Variants in ADCYAP1 observed in about 807,000 individuals in gnomAD.
ADCYAP1 encodes the protein adenylate cyclase activating polypeptide 1.
In ADCYAP1, 6 loss-of-function variants were observed where a neutral mutation model predicts 18.5. The ratio of observed to expected loss-of-function variants is 0.32; its 90% CI spans 0.18 to 0.64. The LOEUF is 0.64. Among genes scored for constraint, ADCYAP1 ranks in the 30% least tolerant of loss-of-function variants. The pLI is 0.77. For synonymous variants in ADCYAP1, 136 were observed against 113.9 expected (o/e 1.19, Z -1.24); for missense variants, 314 against 253.6 (o/e 1.24, Z -1.62).
At chr18:907,621 T>C (rs1909219095) in intron 2 of ADCYAP1, 38 bp from the exon 3 acceptor site, 15 of 1,565,016 alleles carry the variant, frequency 9.6e-6, no homozygotes, top group Non-Finnish European at 1.3e-5. Flanking sequence ...GGGAGGAACT[T>C]GCACTGACCA....
At chr18:907,831 C>G in intron 3 of ADCYAP1, 41 bp downstream of exon 3, 11 of 1,417,656 alleles carry the variant, frequency 7.8e-6, no homozygotes, top group Non-Finnish European at 9.1e-6. Context: ...CGGCTGGGAG[C>G]TCGGGACTGC....
At chr18:908,005 C>A in intron 3 of ADCYAP1, 1 of 940,610 alleles carries the variant, frequency 1.1e-6, no homozygotes, top group Non-Finnish European at 1.5e-6. Flanking sequence ...CCGAGGGGGG[C>A]TGTGGCCCAA....
rs79120479 is a variant in ADCYAP1, at chr18:911,665, A to T, written c.*2030A>T. ...TTTAATTCCGCAGTCTCCTCAGGCA[A>T]TGTGACACGGGATGCAGTTTGCAGC... On this transcript the variant is annotated 3_prime_UTR_variant, in exon 5 of 5. Transcript: ENST00000450565. The T allele has an allele frequency of 3.1e-4, 47 of 152,328 alleles. No homozygotes were observed. The East Asian group carries it at 8.7e-3, about 28-fold the overall frequency. The allele number at this position is 152,328 out of a possible 1,614,324, so 9.4% of individuals were successfully genotyped here.
Position 911,407 on chromosome 18 carries a change from TGAA to T in ADCYAP1, c.*1782_*1784del, listed in dbSNP as rs1158496291. The stretch of plus-strand genomic sequence containing the variant: ...TTTTTTATGTTTTGAAAAAAGAAGA[TGAA>T]GAAGAAGAAAAAAAAAAGAACAAGG... On this transcript the variant is annotated 3_prime_UTR_variant, in exon 5 of 5. Coordinates refer to ENST00000450565, the MANE Select transcript of ADCYAP1 (RefSeq NM_001099733.2). 1 of 146,648 alleles carries T rather than the reference TGAA, an allele frequency of 6.8e-6. No individual in the cohort carries two copies. Among genetic ancestry groups the T allele is most frequent in the African/African-American group, 2.5e-5 (1 of 39,962 alleles). 9.1% of individuals were successfully genotyped at this position (146,648 alleles called of 1,614,324 possible).
rs1234923687 is a variant in ADCYAP1, at chr18:908,351, C to T, written c.329C>T (p.Ala110Val). ...GGGAAGCACCTGCAGTCGCTCGTGG[C>T]CCGGGGCGTGGGGTAAGAGTTTGTG... Reference protein sequence around the residue: ...SAGKHLQSLVARGVGGSLGGG... With the variant: ...SAGKHLQSLVVRGVGGSLGGG... The change falls in exon 4 of 5, where the codon GCC (alanine) becomes GTC (valine). Residue 110 changes from alanine to valine, a missense_variant. Physicochemically the swap from Ala to Val is moderately conservative, Grantham distance 64. Coordinates refer to ENST00000450565, the MANE Select transcript of ADCYAP1 (RefSeq NM_001099733.2). 6.2e-7 allele frequency: 1 copy of T among 1,613,002 alleles called. No individual in the cohort carries two copies. The highest frequency in any genetic ancestry group is 8.5e-7 in the Non-Finnish European group (1 of 1,179,560).
Position 909,530 on chromosome 18 carries a change from C to T in ADCYAP1, c.426C>T (p.Ser142=). The change falls in exon 5 of 5, where the codon AGC becomes AGT. Residue 142 remains serine (S), a synonymous_variant. Coordinates refer to ENST00000450565, the MANE Select transcript of ADCYAP1 (RefSeq NM_001099733.2). ...HSDGIFTDSY[S]RYRKQMAVKK... ...ACGGGATCTTCACGGACAGCTACAG[C>T]CGCTACCGGAAACAAATGGCTGTCA... The T allele has an allele frequency of 1.2e-6, 2 of 1,614,140 alleles. No individual in the cohort carries two copies. The highest frequency in any genetic ancestry group is 8.5e-7 in the Non-Finnish European group (1 of 1,180,018).
At chr18:908,841 C>T (rs1204045178) in intron 4 of ADCYAP1, among the ~76,000 whole-genome samples, 1 of 152,108 alleles carries the variant, frequency 6.6e-6, no homozygotes, top group African/African-American at 2.4e-5. Flanking sequence ...AAGCCTATCT[C>T]GGCAGAAGGC....
intron 1 of ADCYAP1, 135 bp from the exon 2 acceptor site, chr18:905,251 C>A (rs1377881458): frequency 1.3e-6 from 2 of 1,484,482 alleles, no homozygotes; most frequent in Non-Finnish European, 1.8e-6. Flanking sequence ...CACCGGCTGT[C>A]GCCAAGTGCT....
intron 3 of ADCYAP1, 184 bp from the exon 4 acceptor site, chr18:908,081 G>A (rs1882807961): frequency 1.5e-6 from 1 of 668,286 alleles, no homozygotes; most frequent in Non-Finnish European, 2.5e-6. Context: ...GCCGGGACTA[G>A]CTCCCGATCC....
intron 2 of ADCYAP1, 64 bp downstream of exon 2, chr18:905,560 G>A (rs1909136440): frequency 2.5e-6 from 4 of 1,572,986 alleles, no homozygotes; most frequent in Non-Finnish European, 2.6e-6. Flanking sequence ...GCTTCCTCAC[G>A]GTCTCCTTCC....
At chr18:909,325 C>T in intron 4 of ADCYAP1, 121 bp from the exon 5 acceptor site, 2 of 922,568 alleles carry the variant, frequency 2.2e-6, no homozygotes, top group Non-Finnish European at 1.6e-6. Context: ...ACGCGGTGGG[C>T]AGTGCGAGCC....
Position 908,349 on chromosome 18 carries a change from G to A in ADCYAP1, c.327G>A (p.Val109=). ...CCGGGAAGCACCTGCAGTCGCTCGT[G>A]GCCCGGGGCGTGGGGTAAGAGTTTG... is the stretch of plus-strand genomic sequence containing the variant. ...LSAGKHLQSL[V]ARGVGGSLGG... Residue 109 remains valine (V), a synonymous_variant, in exon 4 of 5, where the codon GTG becomes GTA. Coordinates refer to ENST00000450565, the MANE Select transcript of ADCYAP1 (RefSeq NM_001099733.2). 6.2e-7 allele frequency: 1 copy of A among 1,613,032 alleles called. No individual in the cohort carries two copies. Among genetic ancestry groups the A allele is most frequent in the Non-Finnish European group, 8.5e-7 (1 of 1,179,608 alleles).
chr18:909,330 C>T, intron 4 of ADCYAP1, 116 bp from the exon 5 acceptor site: 3 of 1,023,710 alleles, frequency 2.9e-6, no homozygotes, highest in Non-Finnish European at 4.1e-6. Context: ...GTGGGCAGTG[C>T]GAGCCCCGGG....
chr18:912,089 A>G lies in ADCYAP1; in HGVS notation c.*2454A>G, dbSNP rs1909406730. On this transcript the variant is annotated 3_prime_UTR_variant, in exon 5 of 5. Transcript: ENST00000450565. ...ACACCTTAACCAAGTATTATTACAC[A>G]CATGATATCTATAACTAGGACTTTG... 6.6e-6 allele frequency: 1 copy of G among 152,238 alleles called. No individual in the cohort carries two copies. Among genetic ancestry groups the G allele is most frequent in the Non-Finnish European group, 1.5e-5 (1 of 68,042 alleles). 9.4% of individuals were successfully genotyped at this position (152,238 alleles called of 1,614,324 possible). A position where few individuals can be genotyped will look rare whatever the true frequency, so the allele number is the denominator to read the frequency against.
chr18:908,053 G>A (rs1288714690), intron 3 of ADCYAP1: 1 of 688,140 alleles, frequency 1.5e-6, no homozygotes, highest in Non-Finnish European at 2.3e-6. Context: ...CCCACACTCC[G>A]CATCTGCCAC....
chr18:907,667 A>G lies in ADCYAP1; in HGVS notation c.119A>G (p.Glu40Gly). 1 of 1,582,938 alleles carries G rather than the reference A, an allele frequency of 6.3e-7. No individual in the cohort carries two copies. Among genetic ancestry groups the G allele is most frequent in the Non-Finnish European group, 8.5e-7 (1 of 1,172,516 alleles). ...CCCCGGCCACCCCGCAGGCCAGAGG[A>G]AGAGGCGTACGGCGAGGACGGAAAC... is the stretch of plus-strand genomic sequence containing the variant. The part of the protein sequence containing the change: ...GLRFPGIRPE[E>G]EAYGEDGNPL... Residue 40 changes from glutamate to glycine, a missense_variant, in exon 3 of 5, where the codon GAA (glutamate) becomes GGA (glycine). Transcript: ENST00000450565.
chr18:909,492 A>C lies in ADCYAP1; in HGVS notation c.388A>C (p.Lys130Gln). 1 of 1,613,486 alleles carries C rather than the reference A, an allele frequency of 6.2e-7. No individual in the cohort carries two copies. The highest frequency in any genetic ancestry group is 8.5e-7 in the Non-Finnish European group (1 of 1,179,924). The stretch of plus-strand genomic sequence containing the variant: ...GGGGGACGACGCGGAGCCGCTCTCC[A>C]AGCGCCACTCGGACGGGATCTTCAC... ...GAGDDAEPLS[K>Q]RHSDGIFTDS... Residue 130 changes from lysine to glutamine, a missense_variant, in exon 5 of 5, where the codon AAG (lysine) becomes CAG (glutamine). Coordinates refer to ENST00000450565, the MANE Select transcript of ADCYAP1 (RefSeq NM_001099733.2).
rs756192524 is a variant in ADCYAP1 at position 909,430 on chromosome 18, A to G, written c.342-16A>G. On this transcript the variant is annotated splice_polypyrimidine_tract_variant and intron_variant, in intron 4 of 4. Transcript: ENST00000450565. ...CTCCCGCCCCGCCACCCTCTTCCCGACCCCTTTGCTTGCAGTGGGAGCCTC... is the reference window on the plus strand; with the variant it reads ...CTCCCGCCCCGCCACCCTCTTCCCGGCCCCTTTGCTTGCAGTGGGAGCCTC... 1.1e-5 allele frequency: 17 copies of G among 1,606,106 alleles called. No individual in the cohort carries two copies. Among genetic ancestry groups the G allele is most frequent in the African/African-American group, 1.3e-5 (1 of 74,736 alleles).
At chr18:905,625 TC>T in intron 2 of ADCYAP1, 129 bp downstream of exon 2, 1 of 1,108,168 alleles carries the variant, frequency 9.0e-7, no homozygotes, top group Non-Finnish European at 1.3e-6. Flanking sequence ...CCGGTGCGCC[TC>T]CGCCAGCCTC....
Sources: gnomAD v4.1 joint callset for allele counts (sites outside exome capture counted in the v4.1 genomes callset) on GRCh38, gnomAD v4.1.1 for gene constraint, MANE v1.5 for transcripts, NCBI Gene and HGNC (gene_info 2026-07-23, HGNC 2026-07-21) for gene names.